The following SAMSN1 variants were observed in gnomAD, a reference collection of about 807,000 sequenced individuals.
The protein encoded by SAMSN1 is SAM domain-containing protein SAMSN-1.
In SAMSN1, 31 loss-of-function variants were observed where a neutral mutation model predicts 42.0. The observed-to-expected ratio is 0.74, with a 90% CI of 0.55 to 1.00. The LOEUF (loss-of-function observed/expected upper bound fraction) is 1.00, where lower values mean the gene tolerates loss of function less well. Among genes scored for constraint, SAMSN1 ranks in the 50% least tolerant of loss-of-function variants. SAMSN1 has a pLI of 0.00. For missense variants in SAMSN1, 464 were observed against 439.4 expected, an observed-to-expected ratio of 1.06 and a Z score of -0.50; for synonymous variants, 178 against 151.9, an observed-to-expected ratio of 1.17 and a Z score of -1.26.
chr21:14,487,363 ATCTT>A (rs1242929259), intron 7 of SAMSN1, among the ~76,000 whole-genome samples: 4 of 113,666 alleles, frequency 3.5e-5, no homozygotes, highest in Non-Finnish European at 6.4e-5. Flanking sequence ...ATATATATCT[ATCTT>A]CTTTAAAATG....
chr21:14,490,648 C>T (rs949126404), intron 7 of SAMSN1, among the ~76,000 whole-genome samples: 1 of 152,164 alleles, frequency 6.6e-6, no homozygotes, highest in Non-Finnish European at 1.5e-5. Flanking sequence ...GTTCATTTCA[C>T]TTGAATACTA....
chr21:14,487,270 T>C (rs951266450), intron 7 of SAMSN1, among the ~76,000 whole-genome samples: 3 of 152,140 alleles, frequency 2.0e-5, no homozygotes, highest in Admixed American at 2.0e-4. Flanking sequence ...AAGGAAAATG[T>C]ATAATTTTCT....
intron 3 of SAMSN1, among the ~76,000 whole-genome samples, chr21:14,515,035 G>A (rs954426207): frequency 2.6e-5 from 4 of 152,124 alleles, no homozygotes; most frequent in African/African-American, 9.7e-5. Context: ...AGGAAGCTAT[G>A]AGGAAGAAGA....
At chr21:14,562,611 T>C (rs866352022) in intron 2 of SAMSN1, among the ~76,000 whole-genome samples, 18 of 151,506 alleles carry the variant, frequency 1.2e-4, no homozygotes, top group African/African-American at 4.4e-4. Context: ...ATTTTTATGA[T>C]TAAAAAATTC....
At chr21:14,657,412 C>T (rs1983934760) in intron 1 of SAMSN1, among the ~76,000 whole-genome samples, 1 of 151,718 alleles carries the variant, frequency 6.6e-6, no homozygotes, top group Non-Finnish European at 1.5e-5. Flanking sequence ...TAAGTAAGTG[C>T]TCCCTTCCCT....
chr21:14,618,707 C>T (rs58729604), intron 2 of SAMSN1, among the ~76,000 whole-genome samples: 24,486 of 146,384 alleles, frequency 0.17, 2,595 homozygotes, highest in African/African-American at 0.32. Flanking sequence ...CGCGCGCACG[C>T]GCGTGTGTGT....
chr21:14,646,142 A>G lies in SAMSN1; in HGVS notation c.25-3009T>C, dbSNP rs551574532. Among the ~76,000 whole-genome samples, 17 of 152,298 alleles carry G rather than the reference A, an allele frequency of 1.1e-4. No individual in the cohort carries two copies. In the East Asian group the frequency reaches 3.3e-3, roughly 29 times the overall value. On this transcript the variant is annotated intron_variant, in intron 1 of 15. Coordinates refer to the SAMSN1 transcript ENST00000647101. ...GAGAACTTCCCAAACCTAGAGAAAG[A>G]TATCAGTAGCCAAGTACAAGAAGGT...
intron 5 of SAMSN1, among the ~76,000 whole-genome samples, chr21:14,507,624 C>T (rs986006781): frequency 3.9e-5 from 6 of 152,134 alleles, no homozygotes; most frequent in Non-Finnish European, 8.8e-5. Context: ...ACCATACTGT[C>T]AAAAGCAATC....
intron 2 of SAMSN1, among the ~76,000 whole-genome samples, chr21:14,618,716 G>A (rs1212197038): frequency 2.6e-5 from 4 of 151,156 alleles, no homozygotes; most frequent in Non-Finnish European, 4.4e-5. Context: ...GCGCGTGTGT[G>A]TGTGTGTGTG....
Position 14,648,952 on chromosome 21 carries a change from T to A in SAMSN1, c.25-5819A>T, listed in dbSNP as rs1316697646. On this transcript the variant is annotated intron_variant, in intron 1 of 15. Transcript: ENST00000647101. ...CCCAAAGGACTATAAATCATGCTGCTATAAAGACACATGCACACGTATGTT... is the reference window on the plus strand; with the variant it reads ...CCCAAAGGACTATAAATCATGCTGCAATAAAGACACATGCACACGTATGTT... Among the ~76,000 whole-genome samples the A allele has an allele frequency of 2.0e-5, 3 of 146,846 alleles. No individual in the cohort carries two copies. The East Asian group carries it at 5.9e-4, about 29-fold the overall frequency.
intron 2 of SAMSN1, among the ~76,000 whole-genome samples, chr21:14,559,032 C>T (rs567437116): frequency 3.3e-5 from 5 of 152,204 alleles, no homozygotes; most frequent in Non-Finnish European, 5.9e-5. Context: ...GAAATTATGT[C>T]GGTCCCATCT....
chr21:14,525,300 C>T (rs912528570), intron 1 of SAMSN1, among the ~76,000 whole-genome samples: 1 of 152,104 alleles, frequency 6.6e-6, no homozygotes, highest in Non-Finnish European at 1.5e-5. Flanking sequence ...ACACCAAGCT[C>T]TGTATCTAGC....
chr21:14,532,740 G>A (rs954540016), intron 1 of SAMSN1, among the ~76,000 whole-genome samples: 5 of 152,138 alleles, frequency 3.3e-5, no homozygotes, highest in African/African-American at 1.2e-4. Context: ...ATTAAATACA[G>A]TGAGATAGTC....
intron 6 of SAMSN1, among the ~76,000 whole-genome samples, chr21:14,499,674 A>G (rs1435302315): frequency 6.6e-6 from 1 of 152,162 alleles, no homozygotes; most frequent in Non-Finnish European, 1.5e-5. Flanking sequence ...CTCACAGGTC[A>G]CACAATGAAC....
chr21:14,548,184 A>C (rs1022942230), upstream of SAMSN1, among the ~76,000 whole-genome samples: 1 of 152,184 alleles, frequency 6.6e-6, no homozygotes, highest in Non-Finnish European at 1.5e-5. Context: ...TTAATTATGG[A>C]GTTCAATCAG....
At chr21:14,570,833 A>T (rs889478402) in intron 2 of SAMSN1, among the ~76,000 whole-genome samples, 1 of 152,216 alleles carries the variant, frequency 6.6e-6, no homozygotes, top group Non-Finnish European at 1.5e-5. Context: ...AAGAAATATC[A>T]AAATAAGCCC....
intron 4 of SAMSN1, chr21:14,612,627 A>C (rs1468387375): frequency 1.8e-6 from 1 of 558,164 alleles, no homozygotes; most frequent in African/African-American, 1.9e-5. Context: ...CAGCCAATGA[A>C]CTACCAAAGA....
chr21:14,584,583 C>T (rs1298067946), upstream of SAMSN1, among the ~76,000 whole-genome samples: 2 of 152,082 alleles, frequency 1.3e-5, no homozygotes, highest in East Asian at 3.8e-4. Flanking sequence ...TCTTTGTGTG[C>T]TAAGTTTTAT....
chr21:14,509,163 G>A (rs779728343), intron 5 of SAMSN1, among the ~76,000 whole-genome samples: 2 of 147,948 alleles, frequency 1.4e-5, no homozygotes, highest in African/African-American at 2.5e-5. Flanking sequence ...AGAAAAGAAA[G>A]GAAAGGAAAG....
Sources: gnomAD v4.1 joint callset for allele counts (sites outside exome capture counted in the v4.1 genomes callset) on GRCh38, gnomAD v4.1.1 for gene constraint, MANE v1.5 for transcripts, NCBI Gene and HGNC (gene_info 2026-07-23, HGNC 2026-07-21) for gene names.